CLVS1: variants seen among roughly 807,000 people sequenced by gnomAD.
The protein encoded by CLVS1 is clavesin-1.
A neutral mutation model predicts 33.1 loss-of-function variants in CLVS1; 10 were observed. The ratio of observed to expected loss-of-function variants is 0.30; its 90% CI spans 0.19 to 0.51. The LOEUF is 0.51. Ranked by LOEUF, CLVS1 falls within the 20% of genes least tolerant of loss-of-function variation. The pLI is 0.97. For synonymous variants in CLVS1, 163 were observed against 166.1 expected (o/e 0.98, Z 0.14); for missense variants, 343 against 433.4 (o/e 0.79, Z 1.85).
rs1182877348 is a variant in CLVS1, at chr8:61,331,804, T to TCTCCTC, written c.455+31535_455+31540dup. On this transcript the variant is annotated intron_variant, in intron 2 of 5. Transcript: ENST00000325897. ...ATTTCCTCCAGCTTCTTCTTCTTCT[T>TCTCCTC]CTCCTCCTCCTCCTCCTCTTCCTCC... Among the ~76,000 whole-genome samples the TCTCCTC allele has an allele frequency of 1.4e-3, 204 of 148,942 alleles. 4 individuals carry two copies. In the East Asian group the frequency reaches 0.035, roughly 25 times the overall value.
chr8:61,003,961 A>G, the CLVS1 span, among the ~76,000 whole-genome samples: 1 of 152,196 alleles, frequency 6.6e-6, no homozygotes, highest in Non-Finnish European at 1.5e-5. Context: ...AGACAAAGCA[A>G]TCTATCATTT....
At chr8:61,033,126 G>GAAAAA in the CLVS1 span, among the ~76,000 whole-genome samples, 1 of 68,732 alleles carries the variant, frequency 1.5e-5, no homozygotes, top group Non-Finnish European at 3.3e-5. Context: ...AAGGAAGAAA[G>GAAAAA]GAAAGAAAGA....
At chr8:61,294,207 T>C (rs947035926) in intron 1 of CLVS1, among the ~76,000 whole-genome samples, 2 of 152,106 alleles carry the variant, frequency 1.3e-5, no homozygotes, top group Non-Finnish European at 2.9e-5. Context: ...ACAAGGCACC[T>C]ACTTGGAGAG....
At chr8:61,356,040 A>G (rs1812689890) in intron 2 of CLVS1, among the ~76,000 whole-genome samples, 1 of 152,146 alleles carries the variant, frequency 6.6e-6, no homozygotes, top group Non-Finnish European at 1.5e-5. Flanking sequence ...ACAGTGTAAA[A>G]GTGTTCCTAT....
chr8:61,068,227 G>GTATATATATATATATGTA (rs761732435), intron 1 of CLVS1, among the ~76,000 whole-genome samples: 1 of 88,302 alleles, frequency 1.1e-5, no homozygotes, highest in African/African-American at 4.0e-5. Context: ...ATGTATGTAT[G>GTATATATATATATATGTA]TGTATATATA....
intron 2 of CLVS1, among the ~76,000 whole-genome samples, chr8:61,153,641 C>T (rs886546534): frequency 6.6e-6 from 1 of 152,126 alleles, no homozygotes; most frequent in African/African-American, 2.4e-5. Context: ...GGACCCAGCA[C>T]AGCCCACACT....
At chr8:61,033,869 G>A in the CLVS1 span, among the ~76,000 whole-genome samples, 1 of 152,224 alleles carries the variant, frequency 6.6e-6, no homozygotes, top group South Asian at 2.1e-4. Flanking sequence ...AAACAAGAGA[G>A]ACTGATGTTT....
At chr8:61,499,161 AT>A (rs1804430426) in intron 5 of CLVS1, among the ~76,000 whole-genome samples, 1 of 152,060 alleles carries the variant, frequency 6.6e-6, no homozygotes, top group Non-Finnish European at 1.5e-5. Context: ...TTATGTAGTT[AT>A]TTTGAGTGTC....
intron 2 of CLVS1, among the ~76,000 whole-genome samples, chr8:61,157,978 A>C (rs1806682275): frequency 6.6e-6 from 1 of 152,190 alleles, no homozygotes; most frequent in Admixed American, 6.5e-5. Flanking sequence ...CCTATGACCT[A>C]TGTATTTATC....
intron 2 of CLVS1, 40 bp downstream of exon 2, chr8:61,300,322 A>G (rs1810381363): frequency 3.3e-6 from 5 of 1,528,890 alleles, no homozygotes; most frequent in African/African-American, 1.4e-5. Context: ...TTTCTTTGCT[A>G]TAAGCATTAT....
At chr8:61,249,080 A>G (rs1324898617) in intron 2 of CLVS1, among the ~76,000 whole-genome samples, 1 of 152,048 alleles carries the variant, frequency 6.6e-6, no homozygotes, top group Non-Finnish European at 1.5e-5. Flanking sequence ...CCACCCCCTG[A>G]CAGGCCCCAG....
At chr8:61,155,954 T>C (rs941657962) in intron 2 of CLVS1, among the ~76,000 whole-genome samples, 1 of 152,210 alleles carries the variant, frequency 6.6e-6, no homozygotes, top group African/African-American at 2.4e-5. Flanking sequence ...GGCTCACGCC[T>C]GTAATCTCAG....
At chr8:61,409,272 G>A (rs1380756774) in intron 3 of CLVS1, among the ~76,000 whole-genome samples, 2 of 152,044 alleles carry the variant, frequency 1.3e-5, no homozygotes, top group South Asian at 2.1e-4. Context: ...TTCCACAAGG[G>A]TAACTTTTTA....
At chr8:61,477,527 G>T (rs567804931) in intron 5 of CLVS1, among the ~76,000 whole-genome samples, 1 of 152,294 alleles carries the variant, frequency 6.6e-6, no homozygotes, top group East Asian at 1.9e-4. Context: ...TTAGTCTTGG[G>T]AGGGTGTATG....
intron 5 of CLVS1, among the ~76,000 whole-genome samples, chr8:61,491,209 T>G (rs916073936): frequency 6.6e-6 from 1 of 152,216 alleles, no homozygotes; most frequent in African/African-American, 2.4e-5. Flanking sequence ...GAACAATTGG[T>G]GATTGTAGTC....
chr8:61,361,293 A>T (rs571039626), intron 2 of CLVS1, among the ~76,000 whole-genome samples: 5 of 152,332 alleles, frequency 3.3e-5, no homozygotes, highest in African/African-American at 1.2e-4. Flanking sequence ...GCTTTCAATG[A>T]TGACTAATGT....
At chr8:61,081,224 G>A (rs1805014830) in intron 1 of CLVS1, among the ~76,000 whole-genome samples, 1 of 152,200 alleles carries the variant, frequency 6.6e-6, no homozygotes, top group Admixed American at 6.5e-5. Flanking sequence ...TCTGCAGAGA[G>A]CTGATAGAGT....
At chr8:61,090,699 A>G (rs549399060) in intron 1 of CLVS1, among the ~76,000 whole-genome samples, 1 of 152,322 alleles carries the variant, frequency 6.6e-6, no homozygotes, top group South Asian at 2.1e-4. Context: ...AATGTCTATA[A>G]CAATTTTGCT....
intron 2 of CLVS1, among the ~76,000 whole-genome samples, chr8:61,144,643 C>G (rs9692841): frequency 9.1e-4 from 139 of 152,286 alleles, no homozygotes; most frequent in African/African-American, 3.2e-3. Context: ...CTGTCTTCCA[C>G]AATGGTTGAA....
Sources: gnomAD v4.1 joint callset for allele counts (sites outside exome capture counted in the v4.1 genomes callset) on GRCh38, gnomAD v4.1.1 for gene constraint, MANE v1.5 for transcripts, NCBI Gene and HGNC (gene_info 2026-07-23, HGNC 2026-07-21) for gene names.